Variants in LTBP2 observed in about 807,000 individuals in gnomAD.
The protein encoded by LTBP2 is latent transforming growth factor beta binding protein 2.
Under a neutral mutation model 210.6 loss-of-function variants are expected in LTBP2, and 103 were observed. The observed-to-expected ratio is 0.49, with a 90% CI of 0.42 to 0.58. LTBP2 has a LOEUF of 0.58. Among genes scored for constraint, LTBP2 ranks in the 20% least tolerant of loss-of-function variants. The pLI, the probability that LTBP2 is intolerant of heterozygous loss-of-function variation, is 0.00. For synonymous variants in LTBP2, 1,007 were observed against 1,015.0 expected (o/e 0.99, Z 0.15); for missense variants, 2,313 against 2,494.5 (o/e 0.93, Z 1.55).
At chr14:74,529,535 G>A (rs1467481986) in intron 10 of LTBP2, among the ~76,000 whole-genome samples, 5 of 152,192 alleles carry the variant, frequency 3.3e-5, no homozygotes, top group Non-Finnish European at 5.9e-5. Context: ...AGCTAAGGCC[G>A]GATGGGGAGC....
chr14:74,564,958 T>C (rs1439395050), intron 3 of LTBP2, among the ~76,000 whole-genome samples: 2 of 152,124 alleles, frequency 1.3e-5, no homozygotes. Flanking sequence ...AATGAGGACA[T>C]TGAGGCTTTG....
chr14:74,575,726 C>T (rs940849735), intron 3 of LTBP2, among the ~76,000 whole-genome samples: 1 of 152,210 alleles, frequency 6.6e-6, no homozygotes, highest in Non-Finnish European at 1.5e-5. Flanking sequence ...AACCTACCCT[C>T]TGCAACAGCA....
intron 11 of LTBP2, 47 bp from the exon 12 acceptor site, chr14:74,528,745 C>A: frequency 3.1e-6 from 5 of 1,595,114 alleles, no homozygotes; most frequent in Non-Finnish European, 4.3e-6. Context: ...GCTGTTCCTG[C>A]AGGAAACCAG....
At chr14:74,579,719 C>T (rs2088111578) in intron 3 of LTBP2, among the ~76,000 whole-genome samples, 2 of 152,176 alleles carry the variant, frequency 1.3e-5, no homozygotes, top group Non-Finnish European at 2.9e-5. Flanking sequence ...GACAAAAACT[C>T]AGAGAGATTA....
chr14:74,525,212 G>A lies in LTBP2; in HGVS notation c.2442C>T (p.Thr814=), dbSNP rs2087256704. 1 of 1,328,112 alleles carries A rather than the reference G, an allele frequency of 7.5e-7. No individual in the cohort carries two copies. Among genetic ancestry groups the A allele is most frequent in the Non-Finnish European group, 9.7e-7 (1 of 1,029,430 alleles). 82.3% of individuals were successfully genotyped at this position (1,328,112 alleles called of 1,614,324 possible). The stretch of plus-strand genomic sequence containing the variant: ...CAATCCCCTGTTCAGGCATTGGTGG[G>A]GTTGTGGCATTCCCTGTGGAGGAGA... ...APAWVTGNAT[T]PPMPEQGIAE... The change falls in exon 15 of 36, where the codon ACC becomes ACT. Residue 814 remains threonine (T), a synonymous_variant. Transcript: ENST00000261978.
intron 18 of LTBP2, 109 bp from the exon 19 acceptor site, chr14:74,511,473 C>G: frequency 7.3e-7 from 1 of 1,365,550 alleles, no homozygotes; most frequent in Non-Finnish European, 1.0e-6. Flanking sequence ...GAGGGATGGA[C>G]AGAGGGAAAC....
At chr14:74,507,060 A>T (rs1460315583) in intron 26 of LTBP2, 119 bp downstream of exon 26, 17 of 1,580,714 alleles carry the variant, frequency 1.1e-5, no homozygotes, top group Non-Finnish European at 1.4e-5. Flanking sequence ...GATGGAAAAT[A>T]TACAAGCTAC....
chr14:74,536,131 C>T (rs775047886), intron 8 of LTBP2, 131 bp from the exon 9 acceptor site: 3 of 767,096 alleles, frequency 3.9e-6, no homozygotes, highest in Admixed American at 2.0e-5. Context: ...CCGAAGCCAT[C>T]GCCCTGGGCA....
In LTBP2 at chr14:74,611,904, A is replaced by G; in HGVS notation, c.41T>C (p.Leu14Pro). Residue 14 changes from leucine (L) to proline (P), a missense_variant, in exon 1 of 36, where the codon CTG (leucine) becomes CCG (proline). Coordinates refer to ENST00000261978, the MANE Select transcript of LTBP2 (RefSeq NM_000428.3). ...CAGGAAGCCTCTCCAGGGGTTCCGCAGGGCGCGCCCCGGGCTGCGGGCTTT... is the reference window on the plus strand; with the variant it reads ...CAGGAAGCCTCTCCAGGGGTTCCGCGGGGCGCGCCCCGGGCTGCGGGCTTT... ...RTKARSPGRALRNPWRGFLPL... is the reference protein window; with the variant it reads ...RTKARSPGRAPRNPWRGFLPL... 2 of 1,597,962 alleles carry G rather than the reference A, an allele frequency of 1.3e-6. No individual in the cohort carries two copies. The highest frequency in any genetic ancestry group is 8.5e-7 in the Non-Finnish European group (1 of 1,175,272).
chr14:74,543,160 C>T (rs935950234), intron 8 of LTBP2, among the ~76,000 whole-genome samples: 3 of 151,710 alleles, frequency 2.0e-5, no homozygotes, highest in African/African-American at 7.3e-5. Flanking sequence ...AGGCAGATCA[C>T]GAGGTCGGGA....
intron 2 of LTBP2, among the ~76,000 whole-genome samples, chr14:74,587,209 C>T (rs1373975762): frequency 1.3e-5 from 2 of 152,138 alleles, no homozygotes; most frequent in Non-Finnish European, 2.9e-5. Context: ...TCACACCGCA[C>T]CCTCGAAACC....
chr14:74,509,365 T>G lies in LTBP2; in HGVS notation c.3278-2A>C. The G allele has an allele frequency of 2.5e-6, 4 of 1,613,270 alleles. No individual in the cohort carries two copies. The highest frequency in any genetic ancestry group is 3.4e-6 in the Non-Finnish European group (4 of 1,179,934). ...CCGGGAAGGCACACTCATCTAGGTC[T>G]GCAGACAGACAGCGCTCGCCCGGGG... is the stretch of plus-strand genomic sequence containing the variant. On this transcript the variant is annotated splice_acceptor_variant, in intron 21 of 35. Coordinates refer to ENST00000261978, the MANE Select transcript of LTBP2 (RefSeq NM_000428.3). LOFTEE classifies it high-confidence loss of function.
chr14:74,581,579 G>A (rs2088137155), intron 3 of LTBP2, among the ~76,000 whole-genome samples: 1 of 152,138 alleles, frequency 6.6e-6, no homozygotes, highest in South Asian at 2.1e-4. Flanking sequence ...GCCCTCAAGT[G>A]ACAGCTAGCA....
intron 2 of LTBP2, among the ~76,000 whole-genome samples, chr14:74,596,262 T>TAAATAAATAAAA (rs71449199): frequency 1.1e-4 from 16 of 147,620 alleles, no homozygotes; most frequent in African/African-American, 3.6e-4. Flanking sequence ...AATAAATAAA[T>TAAATAAATAAAA]AAAAATTAAA....
intron 8 of LTBP2, among the ~76,000 whole-genome samples, chr14:74,541,960 A>G (rs2087514019): frequency 6.6e-6 from 1 of 152,190 alleles, no homozygotes; most frequent in Non-Finnish European, 1.5e-5. Flanking sequence ...AGTAGAAAGA[A>G]GAGAATCTGT....
chr14:74,568,398 T>C (rs894905064), intron 3 of LTBP2, among the ~76,000 whole-genome samples: 1 of 151,876 alleles, frequency 6.6e-6, no homozygotes, highest in African/African-American at 2.4e-5. Flanking sequence ...GCTGGATCAC[T>C]GGGGAATGCT....
intron 3 of LTBP2, among the ~76,000 whole-genome samples, chr14:74,576,101 T>A (rs1366678817): frequency 6.6e-6 from 1 of 152,148 alleles, no homozygotes; most frequent in Non-Finnish European, 1.5e-5. Flanking sequence ...GGCATTGCCC[T>A]CAGTTTGCCT....
intron 12 of LTBP2, among the ~76,000 whole-genome samples, chr14:74,528,023 A>G (rs2087297045): frequency 2.0e-5 from 3 of 152,108 alleles, no homozygotes; most frequent in African/African-American, 7.2e-5. Context: ...CCTCATACCC[A>G]GCCTCCCTCC....
At chr14:74,551,420 T>C (rs901367316) in intron 6 of LTBP2, 70 bp from the exon 7 acceptor site, 23 of 1,423,156 alleles carry the variant, frequency 1.6e-5, no homozygotes, top group Non-Finnish European at 2.1e-5. Flanking sequence ...CTCTGAAGGG[T>C]ATCCACCACC....
Sources: allele counts gnomAD v4.1 joint callset (sites outside exome capture counted in the v4.1 genomes callset), GRCh38; gene constraint gnomAD v4.1.1; transcripts MANE v1.5; gene names NCBI Gene and HGNC (gene_info 2026-07-23, HGNC 2026-07-21).